MAPKAP1: variants seen among roughly 807,000 people sequenced by gnomAD.
The protein encoded by MAPKAP1 is target of rapamycin complex 2 subunit MAPKAP1.
Under a neutral mutation model 65.7 loss-of-function variants are expected in MAPKAP1, and 20 were observed. The ratio of observed to expected loss-of-function variants is 0.30; its 90% confidence interval spans 0.21 to 0.44. MAPKAP1 has a LOEUF of 0.44. MAPKAP1 is among the 20% of genes least tolerant of loss of function. The pLI is 1.00. For missense variants in MAPKAP1, 423 were observed against 648.0 expected (o/e 0.65, Z 3.77); for synonymous variants, 222 against 244.3 (o/e 0.91, Z 0.85).
intron 2 of MAPKAP1, among the ~76,000 whole-genome samples, chr9:125,671,741 T>A (rs1051307303): frequency 9.2e-5 from 14 of 151,922 alleles, no homozygotes; most frequent in African/African-American, 3.4e-4. Context: ...AATCAAAAGG[T>A]GATCAATTTA....
intron 7 of MAPKAP1, among the ~76,000 whole-genome samples, chr9:125,531,949 A>C (rs1011260524): frequency 2.0e-5 from 3 of 152,316 alleles, no homozygotes; most frequent in South Asian, 4.1e-4. Flanking sequence ...AAATTGTACA[A>C]ATACAATTTG....
intron 4 of MAPKAP1, among the ~76,000 whole-genome samples, chr9:125,611,644 G>C (rs968861072): frequency 1.3e-5 from 2 of 152,146 alleles, no homozygotes; most frequent in South Asian, 4.1e-4. Flanking sequence ...AAATGAAATT[G>C]CATCTATACC....
chr9:125,499,744 G>T (rs1349458966), intron 8 of MAPKAP1, among the ~76,000 whole-genome samples: 1 of 152,020 alleles, frequency 6.6e-6, no homozygotes, highest in Non-Finnish European at 1.5e-5. Flanking sequence ...GGGTTTAGTG[G>T]TTCACTCCGG....
At position 125,462,153 on chromosome 9, in the gene MAPKAP1, C is replaced by T. The variant is rs572369722; in HGVS notation, c.1345+5819G>A. On this transcript the variant is annotated intron_variant, in intron 10 of 11. Transcript: ENST00000265960. ...ATGCGTGTGTTCTCTGCTAGAACTACCCATGTCAAATAGGGAGAAAGAAAT... is the reference window on the plus strand; with the variant it reads ...ATGCGTGTGTTCTCTGCTAGAACTATCCATGTCAAATAGGGAGAAAGAAAT... Among the ~76,000 whole-genome samples, 12 of 152,288 alleles carry T rather than the reference C, an allele frequency of 7.9e-5. No homozygotes were observed. The East Asian group carries it at 1.3e-3, about 17-fold the overall frequency.
intron 7 of MAPKAP1, chr9:125,521,658 A>C: frequency 6.5e-7 from 1 of 1,547,502 alleles, no homozygotes; most frequent in Non-Finnish European, 8.7e-7. Context: ...CGTGATGGCA[A>C]AGGTTTCTGA....
chr9:125,627,067 T>C (rs1033917216), intron 4 of MAPKAP1, among the ~76,000 whole-genome samples: 51 of 152,248 alleles, frequency 3.3e-4, no homozygotes, highest in African/African-American at 1.2e-3. Flanking sequence ...ATTTAAAAAA[T>C]CAAACAAGCC....
At chr9:125,672,716 T>A in intron 1 of MAPKAP1, 73 bp from the exon 2 acceptor site, 1 of 947,304 alleles carries the variant, frequency 1.1e-6, no homozygotes, top group Non-Finnish European at 1.6e-6. Context: ...TCAGACACAT[T>A]CAGTGTAGTA....
At chr9:125,457,789 C>T (rs1364984821) in intron 10 of MAPKAP1, among the ~76,000 whole-genome samples, 2 of 152,228 alleles carry the variant, frequency 1.3e-5, no homozygotes, top group African/African-American at 4.8e-5. Flanking sequence ...CTCTGGTTAG[C>T]CAGAACTCTA....
chr9:125,518,507 T>G (rs1045726847), intron 7 of MAPKAP1, among the ~76,000 whole-genome samples: 1 of 145,274 alleles, frequency 6.9e-6, no homozygotes, highest in African/African-American at 2.5e-5. Context: ...TACAAAAAAT[T>G]AAAAAAAAAA....
intron 4 of MAPKAP1, among the ~76,000 whole-genome samples, chr9:125,608,559 T>G (rs1832505709): frequency 6.6e-6 from 1 of 152,228 alleles, no homozygotes; most frequent in Non-Finnish European, 1.5e-5. Context: ...ATATTTGTAC[T>G]AAGTTGGGAA....
In MAPKAP1 at chr9:125,585,564, G is replaced by A. The variant is rs758476607; in HGVS notation, c.662C>T (p.Pro221Leu). The A allele has an allele frequency of 1.2e-6, 2 of 1,613,190 alleles. No individual in the cohort carries two copies. Among genetic ancestry groups the A allele is most frequent in the Non-Finnish European group, 1.7e-6 (2 of 1,179,300 alleles). ...CWQYTSEGRE[P>L]KLNDNVSAYC... ...AAAGAGAATGGATTACTTGAGCTTC[G>A]GCTCCCGTCCTTCGCTTGTATACTG... The change falls in exon 5 of 12, where the codon CCG becomes CTG. Residue 221 changes from proline to leucine, a missense_variant. Pro to Leu is a moderately conservative substitution (Grantham distance 98, BLOSUM62 -3). Coordinates refer to ENST00000265960, the MANE Select transcript of MAPKAP1 (RefSeq NM_001006617.3).
At chr9:125,460,492 A>C (rs923824944) in intron 10 of MAPKAP1, among the ~76,000 whole-genome samples, 5 of 152,238 alleles carry the variant, frequency 3.3e-5, no homozygotes, top group African/African-American at 1.2e-4. Flanking sequence ...ACATTCTTAC[A>C]CGTTCTGTAA....
chr9:125,619,723 A>G (rs1019860572), intron 4 of MAPKAP1, among the ~76,000 whole-genome samples: 19 of 152,138 alleles, frequency 1.2e-4, no homozygotes, highest in Middle Eastern at 3.4e-3. Context: ...AAGACATTTG[A>G]AAAAAAATTT....
chr9:125,508,806 G>C (rs750727235), intron 7 of MAPKAP1, among the ~76,000 whole-genome samples: 167 of 152,098 alleles, frequency 1.1e-3, no homozygotes, highest in Admixed American at 2.2e-3. Flanking sequence ...AGCTATGACT[G>C]TGCCACTGCA....
chr9:125,505,336 A>T (rs946138108), intron 8 of MAPKAP1, among the ~76,000 whole-genome samples: 14 of 152,160 alleles, frequency 9.2e-5, no homozygotes, highest in African/African-American at 3.1e-4. Context: ...GAGGCAGGAG[A>T]ATCGCTTGAA....
At chr9:125,466,696 G>A (rs73591533) in intron 10 of MAPKAP1, among the ~76,000 whole-genome samples, 2,378 of 152,294 alleles carry the variant, frequency 0.016, 62 homozygotes, top group African/African-American at 0.053. Flanking sequence ...ACAGCCTTTT[G>A]CAGGGTCGGA....
intron 4 of MAPKAP1, among the ~76,000 whole-genome samples, chr9:125,654,926 A>C (rs772234641): frequency 2.0e-5 from 3 of 152,134 alleles, no homozygotes; most frequent in Non-Finnish European, 4.4e-5. Context: ...TAGCATATTT[A>C]ATTAGACCCC....
At chr9:125,623,788 G>C (rs62567165) in intron 4 of MAPKAP1, among the ~76,000 whole-genome samples, 5 of 44,678 alleles carry the variant, frequency 1.1e-4, no homozygotes, top group East Asian at 1.7e-3. Flanking sequence ...GGCCAGCCGT[G>C]CCGTCCGGGA....
At chr9:125,577,401 C>G (rs1227940542) in intron 5 of MAPKAP1, among the ~76,000 whole-genome samples, 1 of 149,218 alleles carries the variant, frequency 6.7e-6, no homozygotes, top group Non-Finnish European at 1.5e-5. Flanking sequence ...GGGTCAGCCC[C>G]CCGCCTGGCC....
Sources: gnomAD v4.1 joint callset for allele counts (sites outside exome capture counted in the v4.1 genomes callset) on GRCh38, gnomAD v4.1.1 for gene constraint, MANE v1.5 for transcripts, NCBI Gene and HGNC (gene_info 2026-07-23, HGNC 2026-07-21) for gene names.